The following IL18 variants were observed in gnomAD, a reference collection of about 807,000 sequenced individuals.
IL18 encodes interleukin 18, also known as interleukin-18.
A neutral mutation model predicts 14.2 loss-of-function variants in IL18; 8 were observed. That is an observed-to-expected ratio of 0.56 (90% CI 0.33 to 1.01). The LOEUF (loss-of-function observed/expected upper bound fraction) is 1.01. Ranked by LOEUF, IL18 falls within the 50% of genes least tolerant of loss-of-function variation. The pLI, the probability that IL18 is intolerant of heterozygous loss-of-function variation, is 0.03. For synonymous variants in IL18, 67 were observed against 71.0 expected, an observed-to-expected ratio of 0.94 and a Z score of 0.28; for missense variants, 166 against 231.1, an observed-to-expected ratio of 0.72 and a Z score of 1.83.
chr11:112,157,739 C>A (rs574686819), intron 1 of IL18, among the ~76,000 whole-genome samples: 10 of 151,812 alleles, frequency 6.6e-5, no homozygotes, highest in African/African-American at 2.4e-4. Context: ...GCGGGGAGAC[C>A]GAGAAAATAT....
At position 112,143,600 on chromosome 11, in the gene IL18, T is replaced by C. The variant is rs201530260; in HGVS notation, c.578A>G (p.Asp193Gly). 3.7e-6 allele frequency: 6 copies of C among 1,604,704 alleles called. No individual in the cohort carries two copies. Among genetic ancestry groups the C allele is most frequent in the African/African-American group, 1.3e-5 (1 of 74,844 alleles). ...CCCGGCATGAAATTTTAATAGCTAGTCTTCGTTTTGAACAGTGAACATTAT... is the reference window on the plus strand; with the variant it reads ...CCCGGCATGAAATTTTAATAGCTAGCCTTCGTTTTGAACAGTGAACATTAT... ...RSIMFTVQNED is the reference protein window; with the variant it reads ...RSIMFTVQNEG The change falls in exon 6 of 6, where the codon GAC (aspartate) becomes GGC (glycine). Residue 193 changes from aspartate (D) to glycine (G), a missense_variant. Physicochemically the swap from Asp to Gly is moderately conservative, Grantham distance 94 (BLOSUM62 -1). Coordinates refer to ENST00000280357, the MANE Select transcript of IL18 (RefSeq NM_001562.4).
At chr11:112,149,558 G>GTTTT (rs561459069) in intron 4 of IL18, among the ~76,000 whole-genome samples, 13 of 99,300 alleles carry the variant, frequency 1.3e-4, no homozygotes, top group African/African-American at 3.1e-4. Context: ...CTTTTCTTAA[G>GTTTT]TTTTTTTTTT....
intron 1 of IL18, among the ~76,000 whole-genome samples, chr11:112,160,775 AT>A (rs1483432026): frequency 6.6e-6 from 1 of 152,212 alleles, no homozygotes; most frequent in East Asian, 1.9e-4. Flanking sequence ...TGAAAACAGA[AT>A]TTTAAAAATA....
chr11:112,159,881 T>G (rs543142203), intron 1 of IL18, among the ~76,000 whole-genome samples: 1 of 152,170 alleles, frequency 6.6e-6, no homozygotes, highest in African/African-American at 2.4e-5. Flanking sequence ...GACTACAAAC[T>G]ATTCTTTTAG....
chr11:112,143,991 C>G (rs1344888094), intron 5 of IL18, among the ~76,000 whole-genome samples, 174 bp from the exon 6 acceptor site: 1 of 152,190 alleles, frequency 6.6e-6, no homozygotes, highest in East Asian at 1.9e-4. Context: ...AACTCCGAAT[C>G]TCCTATTCTC....
rs558809772 is a variant in IL18 at position 112,150,274 on chromosome 11, A to G, written c.92-68T>C. 6.0e-5 allele frequency: 65 copies of G among 1,085,858 alleles called. No homozygotes were observed. In the East Asian group the frequency reaches 1.2e-3, roughly 20 times the overall value. 67.3% of individuals were successfully genotyped at this position (1,085,858 alleles called of 1,614,324 possible). On this transcript the variant is annotated intron_variant, in intron 3 of 5. Coordinates refer to ENST00000280357, the MANE Select transcript of IL18 (RefSeq NM_001562.4). ...TTGTTAATTGACAAATAAGTATGCT[A>G]TATATTTTAGTTTTCTAAAACTATT...
chr11:112,150,903 C>T (rs930309032), intron 3 of IL18: 1 of 152,256 alleles, frequency 6.6e-6, no homozygotes, highest in Non-Finnish European at 1.5e-5. Context: ...TCTGGCAGCA[C>T]CAGTTATTGC....
intron 4 of IL18, among the ~76,000 whole-genome samples, chr11:112,149,242 A>G (rs968016526): frequency 2.0e-5 from 3 of 151,758 alleles, no homozygotes; most frequent in African/African-American, 4.8e-5. Context: ...TAGTGAGCCG[A>G]GATCACACCA....
At chr11:112,159,289 A>G (rs143738917) in intron 1 of IL18, among the ~76,000 whole-genome samples, 95 of 152,216 alleles carry the variant, frequency 6.2e-4, no homozygotes, top group African/African-American at 2.2e-3. Flanking sequence ...GTTGCAGTGA[A>G]GTGCTCCACT....
chr11:112,147,688 T>C (rs191353677), intron 5 of IL18, among the ~76,000 whole-genome samples: 1 of 152,322 alleles, frequency 6.6e-6, no homozygotes, highest in Non-Finnish European at 1.5e-5. Flanking sequence ...TTGGATTATA[T>C]TTTAGAGTGG....
rs36051933 is a variant in IL18, at chr11:112,146,927, CTTT to C, written c.360+1673_360+1675del. Among the ~76,000 whole-genome samples, 62 of 125,354 alleles carry C rather than the reference CTTT, an allele frequency of 4.9e-4. 2 individuals are homozygous for C. The highest frequency in any genetic ancestry group is 1.4e-3 in the Admixed American group (17 of 12,160). 82.2% of individuals were successfully genotyped at this position (125,354 alleles called of 152,430 possible). A position where few individuals can be genotyped will look rare whatever the true frequency, so the allele number is the denominator to read the frequency against. On this transcript the variant is annotated intron_variant, in intron 5 of 5. Transcript: ENST00000280357. ...TAAGCTTATGCCTTTGGTAATTTTACTTTTTTTTTTTTTTTTTTTTGAGACCGA... is the reference window on the plus strand; with the variant it reads ...TAAGCTTATGCCTTTGGTAATTTTACTTTTTTTTTTTTTTTTTGAGACCGA...
chr11:112,149,556 A>C (rs1459602205), intron 4 of IL18, among the ~76,000 whole-genome samples: 1 of 113,536 alleles, frequency 8.8e-6, no homozygotes, highest in Non-Finnish European at 1.8e-5. Context: ...TTCTTTTCTT[A>C]AGTTTTTTTT....
rs1361297949 is a variant in IL18, at chr11:112,143,441, C to A, written c.*155G>T. 5 of 562,156 alleles carry A rather than the reference C, an allele frequency of 8.9e-6. No homozygotes were observed. The East Asian group carries it at 1.5e-4, about 17-fold the overall frequency. The allele number at this position is 562,156 out of a possible 1,614,324, so 34.8% of individuals were successfully genotyped here. ...GATTGAGGGCATGCGTCACTACACTCAGCTAATTTTTTGTATTTTTAGTAG... is the reference window on the plus strand; with the variant it reads ...GATTGAGGGCATGCGTCACTACACTAAGCTAATTTTTTGTATTTTTAGTAG... On this transcript the variant is annotated 3_prime_UTR_variant, in exon 6 of 6. Transcript: ENST00000280357.
At chr11:112,153,752 A>G (rs935285951) in intron 2 of IL18, 149 bp from the exon 3 acceptor site, 1 of 471,510 alleles carries the variant, frequency 2.1e-6, no homozygotes, top group African/African-American at 2.0e-5. Context: ...TTTCATCAGA[A>G]TATTATATAA....
intron 1 of IL18, among the ~76,000 whole-genome samples, chr11:112,155,945 C>G (rs982478714): frequency 6.6e-6 from 1 of 152,112 alleles, no homozygotes; most frequent in Admixed American, 6.5e-5. Flanking sequence ...GTGACTCTGT[C>G]ATTAATAGAA....
intron 5 of IL18, among the ~76,000 whole-genome samples, chr11:112,148,389 T>A (rs2135311147): frequency 6.6e-6 from 1 of 152,308 alleles, no homozygotes; most frequent in Non-Finnish European, 1.5e-5. Context: ...AAAACCATCA[T>A]TATCACAATA....
At chr11:112,149,019 A>C (rs773106409) in intron 4 of IL18, among the ~76,000 whole-genome samples, 1 of 152,100 alleles carries the variant, frequency 6.6e-6, no homozygotes, top group Non-Finnish European at 1.5e-5. Flanking sequence ...GTTGTAACAC[A>C]TATTAAACTG....
At chr11:112,145,177 T>C (rs544900645) in intron 5 of IL18, among the ~76,000 whole-genome samples, 1 of 152,324 alleles carries the variant, frequency 6.6e-6, no homozygotes, top group South Asian at 2.1e-4. Flanking sequence ...ACCTCCAACT[T>C]CTCAATCAGT....
intron 5 of IL18, among the ~76,000 whole-genome samples, chr11:112,147,826 T>C (rs1045065598): frequency 2.0e-5 from 3 of 152,186 alleles, no homozygotes; most frequent in African/African-American, 7.2e-5. Flanking sequence ...AAAAGAGTCT[T>C]CATGACATGG....
Sources: gnomAD v4.1 joint callset for allele counts (sites outside exome capture counted in the v4.1 genomes callset) on GRCh38, gnomAD v4.1.1 for gene constraint, MANE v1.5 for transcripts, NCBI Gene and HGNC (gene_info 2026-07-23, HGNC 2026-07-21) for gene names.